The following SPINK8 variants were observed in gnomAD, a reference collection of about 807,000 sequenced individuals.
SPINK8 encodes serine peptidase inhibitor Kazal type 8 (putative), also known as serine protease inhibitor Kazal-type 8.
A neutral mutation model predicts 14.4 loss-of-function variants in SPINK8; 12 were observed. The observed-to-expected ratio is 0.83, with a 90% CI of 0.53 to 1.35. The LOEUF (loss-of-function observed/expected upper bound fraction) is 1.35, where lower values mean the gene tolerates loss of function less well. SPINK8 is among the 40% of genes most tolerant of loss of function. The pLI, the probability that SPINK8 is intolerant of heterozygous loss-of-function variation, is 0.00. For missense variants in SPINK8, 103 were observed against 117.0 expected (o/e 0.88, Z 0.55); for synonymous variants, 32 against 37.6 (o/e 0.85, Z 0.55).
intron 7 of SPINK8, 59 bp downstream of exon 7, chr3:48,309,845 G>A: frequency 7.1e-7 from 1 of 1,413,944 alleles, no homozygotes; most frequent in South Asian, 1.5e-5. Context: ...CTAAAACAGT[G>A]AGCTCTTAAC....
At chr3:48,315,792 T>C (rs2107090439) in intron 6 of SPINK8, among the ~76,000 whole-genome samples, 1 of 145,286 alleles carries the variant, frequency 6.9e-6, no homozygotes, top group East Asian at 2.0e-4. Context: ...AAGGCAAGTA[T>C]GAGAATGATG....
intron 1 of SPINK8, among the ~76,000 whole-genome samples, 83 bp downstream of exon 1, chr3:48,333,451 CG>C (rs2036291773): frequency 3.3e-5 from 5 of 152,170 alleles, no homozygotes; most frequent in African/African-American, 9.7e-5. Context: ...AGTCCTAGAG[CG>C]TCCTCTGTGG....
chr3:48,313,350 G>T (rs2035947843), intron 6 of SPINK8, among the ~76,000 whole-genome samples: 1 of 152,102 alleles, frequency 6.6e-6, no homozygotes, highest in African/African-American at 2.4e-5. Flanking sequence ...AAAGTATATG[G>T]ATAGCCAAAA....
chr3:48,310,091 C>G, intron 6 of SPINK8, 145 bp from the exon 7 acceptor site: 1 of 1,112,356 alleles, frequency 9.0e-7, no homozygotes, highest in Non-Finnish European at 1.1e-6. Flanking sequence ...AAAAATTCTA[C>G]TATATGAATT....
At chr3:48,324,014 T>C (rs1390099026) in intron 4 of SPINK8, among the ~76,000 whole-genome samples, 1 of 152,064 alleles carries the variant, frequency 6.6e-6, no homozygotes, top group African/African-American at 2.4e-5. Context: ...GCTTTTCCAT[T>C]TCTGCAAAAA....
chr3:48,331,247 G>A (rs2036256055), intron 2 of SPINK8, among the ~76,000 whole-genome samples: 1 of 152,166 alleles, frequency 6.6e-6, no homozygotes, highest in Admixed American at 6.5e-5. Context: ...TTTCCGGGAA[G>A]CCGCATTCTC....
At chr3:48,332,587 G>A (rs71323395) in intron 1 of SPINK8, among the ~76,000 whole-genome samples, 116 bp from the exon 2 acceptor site, 32,528 of 152,046 alleles carry the variant, frequency 0.21, 4,305 homozygotes, top group South Asian at 0.3. Flanking sequence ...TTCTGATTCT[G>A]CGTCCCATTG....
chr3:48,331,303 G>A (rs886532703), intron 2 of SPINK8, among the ~76,000 whole-genome samples: 4 of 152,146 alleles, frequency 2.6e-5, no homozygotes, highest in South Asian at 2.1e-4. Context: ...ATAGCGGCAC[G>A]GAGGGGATTA....
chr3:48,332,379 T>C lies in SPINK8; in HGVS notation c.-149A>G, dbSNP rs2036276626. ...TGATAAACTTACCCTTTAAGATTAGTTGGCCTTCAATAGATCCAGATGACA... is the reference window on the plus strand; with the variant it reads ...TGATAAACTTACCCTTTAAGATTAGCTGGCCTTCAATAGATCCAGATGACA... On this transcript the variant is annotated 5_prime_UTR_variant, in exon 2 of 8. Coordinates refer to ENST00000434006, the MANE Select transcript of SPINK8 (RefSeq NM_001080525.3). 6.6e-6 allele frequency among the ~76,000 whole-genome samples: 1 copy of C among 152,238 alleles called. No homozygotes were observed. The highest frequency in any genetic ancestry group is 2.1e-4 in the South Asian group (1 of 4,832).
At chr3:48,325,405 AT>A (rs35738994) in intron 4 of SPINK8, among the ~76,000 whole-genome samples, 32,553 of 149,490 alleles carry the variant, frequency 0.22, 4,338 homozygotes, top group South Asian at 0.3. Context: ...GTAAGTAAGT[AT>A]TTTTTTAATG....
At chr3:48,319,068 A>G (rs1433610542) in intron 6 of SPINK8, among the ~76,000 whole-genome samples, 1 of 152,266 alleles carries the variant, frequency 6.6e-6, no homozygotes, top group African/African-American at 2.4e-5. Context: ...GTTTTGGAAA[A>G]TAATATCCAT....
intron 6 of SPINK8, among the ~76,000 whole-genome samples, chr3:48,314,644 A>C (rs1450013545): frequency 6.6e-6 from 1 of 152,164 alleles, no homozygotes; most frequent in African/African-American, 2.4e-5. Flanking sequence ...CTTTTATTTG[A>C]CCATACTCAA....
chr3:48,319,244 C>T (rs992793838), intron 6 of SPINK8, among the ~76,000 whole-genome samples: 1 of 152,180 alleles, frequency 6.6e-6, no homozygotes, highest in Non-Finnish European at 1.5e-5. Context: ...AGTGCCTCCA[C>T]TTGAGGCTTG....
chr3:48,326,496 A>G (rs1203727588), intron 4 of SPINK8, among the ~76,000 whole-genome samples: 1 of 151,882 alleles, frequency 6.6e-6, no homozygotes, highest in African/African-American at 2.4e-5. Flanking sequence ...AATCCTAGCT[A>G]CTTGGAAGGC....
At chr3:48,331,999 C>A (rs1273244497) in intron 2 of SPINK8, among the ~76,000 whole-genome samples, 3 of 152,236 alleles carry the variant, frequency 2.0e-5, no homozygotes, top group African/African-American at 7.2e-5. Flanking sequence ...ACTCAGAGGA[C>A]CTTCATCCCC....
intron 1 of SPINK8, among the ~76,000 whole-genome samples, 73 bp downstream of exon 1, chr3:48,333,462 G>A (rs528155323): frequency 6.6e-6 from 1 of 152,256 alleles, no homozygotes; most frequent in African/African-American, 2.4e-5. Flanking sequence ...GTCCTCTGTG[G>A]TCCTAATGCT....
intron 4 of SPINK8, among the ~76,000 whole-genome samples, 178 bp from the exon 5 acceptor site, chr3:48,321,252 GC>G (rs1263454965): frequency 6.6e-6 from 1 of 152,152 alleles, no homozygotes; most frequent in Non-Finnish European, 1.5e-5. Context: ...GGAAATACGT[GC>G]CTTTACCTTC....
chr3:48,321,116 T>A, intron 4 of SPINK8, 42 bp from the exon 5 acceptor site: 1 of 1,548,852 alleles, frequency 6.5e-7, no homozygotes, highest in Non-Finnish European at 8.7e-7. Context: ...CTTCTCTGTC[T>A]TCTGCCCTCA....
chr3:48,315,626 T>C (rs1222462960), intron 6 of SPINK8, among the ~76,000 whole-genome samples: 1 of 143,894 alleles, frequency 6.9e-6, no homozygotes, highest in Non-Finnish European at 1.5e-5. Context: ...GAGGCTGAGA[T>C]AGGATAGTTG....
Sources: gnomAD v4.1 joint callset for allele counts (sites outside exome capture counted in the v4.1 genomes callset) on GRCh38, gnomAD v4.1.1 for gene constraint, MANE v1.5 for transcripts, NCBI Gene and HGNC (gene_info 2026-07-23, HGNC 2026-07-21) for gene names.